Variants in KCNJ3 observed in about 807,000 individuals in gnomAD.
KCNJ3 encodes the protein G protein-activated inward rectifier potassium channel 1.
In KCNJ3, 4 loss-of-function variants were observed where a neutral mutation model predicts 39.2. That is an observed-to-expected ratio of 0.10 (90% CI 0.05 to 0.23). The LOEUF (loss-of-function observed/expected upper bound fraction) is 0.23. Among genes scored for constraint, KCNJ3 ranks in the 10% least tolerant of loss-of-function variants. The probability of loss-of-function intolerance (pLI) is 1.00; values close to 1 mark genes in which losing one functional copy is unlikely to be tolerated. For missense variants in KCNJ3, 276 were observed against 634.9 expected (o/e 0.43, Z 6.08); for synonymous variants, 230 against 237.4 (o/e 0.97, Z 0.29).
At chr2:154,847,093 A>G (rs1326667657) in intron 2 of KCNJ3, among the ~76,000 whole-genome samples, 2 of 152,184 alleles carry the variant, frequency 1.3e-5, no homozygotes, top group Non-Finnish European at 2.9e-5. Context: ...AAGAGATTCC[A>G]TCTTTTTGAA....
At chr2:154,714,742 T>G (rs1315260830) in intron 2 of KCNJ3, among the ~76,000 whole-genome samples, 1 of 152,230 alleles carries the variant, frequency 6.6e-6, no homozygotes, top group Non-Finnish European at 1.5e-5. Context: ...TTTAATTAAT[T>G]TGTTCATCCA....
At chr2:154,715,098 G>T (rs950950416) in intron 2 of KCNJ3, among the ~76,000 whole-genome samples, 1 of 152,126 alleles carries the variant, frequency 6.6e-6, no homozygotes, top group African/African-American at 2.4e-5. Context: ...AAGGGGGCAG[G>T]GTACCTGGCT....
intron 2 of KCNJ3, among the ~76,000 whole-genome samples, chr2:154,752,843 T>C (rs1234119337): frequency 6.6e-6 from 1 of 152,000 alleles, no homozygotes; most frequent in Non-Finnish European, 1.5e-5. Context: ...TGATATGACT[T>C]GATGCAGATT....
intron 2 of KCNJ3, among the ~76,000 whole-genome samples, chr2:154,760,869 T>G (rs998466915): frequency 6.6e-6 from 1 of 150,660 alleles, no homozygotes; most frequent in African/African-American, 2.4e-5. Flanking sequence ...CCCGAGTAGC[T>G]GGGACTACAG....
intron 2 of KCNJ3, among the ~76,000 whole-genome samples, chr2:154,752,195 G>A (rs1401300713): frequency 6.6e-6 from 1 of 151,704 alleles, no homozygotes; most frequent in African/African-American, 2.4e-5. Flanking sequence ...AAACATTTTG[G>A]TGTACTCAAA....
chr2:154,845,768 C>G (rs975220390), intron 2 of KCNJ3, among the ~76,000 whole-genome samples: 4 of 151,866 alleles, frequency 2.6e-5, no homozygotes, highest in African/African-American at 7.3e-5. Context: ...GTCAGGAGTT[C>G]GAGACCAGCC....
chr2:154,734,547 C>T (rs1462613336), intron 2 of KCNJ3, among the ~76,000 whole-genome samples: 4 of 152,120 alleles, frequency 2.6e-5, no homozygotes, highest in Non-Finnish European at 5.9e-5. Context: ...ATAAAGAAAC[C>T]AGCATCTGTT....
chr2:154,760,959 A>G (rs3111005), intron 2 of KCNJ3, among the ~76,000 whole-genome samples: 69,363 of 149,750 alleles, frequency 0.46, 16,069 homozygotes, highest in Non-Finnish European at 0.48. Flanking sequence ...GGATGGTCTC[A>G]ATCTCCTGAC....
chr2:154,850,640 A>G (rs191752142), intron 2 of KCNJ3, among the ~76,000 whole-genome samples: 32 of 152,316 alleles, frequency 2.1e-4, no homozygotes, highest in Admixed American at 1.8e-3. Flanking sequence ...TAAAACTATG[A>G]TTGTGAATTG....
chr2:154,745,447 T>C lies in KCNJ3; in HGVS notation c.919+35628T>C, dbSNP rs1685724769. 3.3e-5 allele frequency among the ~76,000 whole-genome samples: 5 copies of C among 152,186 alleles called. No homozygotes were observed. In the South Asian group the frequency reaches 1.0e-3, roughly 31 times the overall value. ...AGGATTGCTATATCTTCTTGATGGA[T>C]TGACTCTTTCATCATTATTTAATAT... On this transcript the variant is annotated intron_variant, in intron 2 of 2. Transcript: ENST00000295101.
intron 2 of KCNJ3, among the ~76,000 whole-genome samples, chr2:154,783,849 T>C (rs1403745457): frequency 2.0e-5 from 3 of 152,220 alleles, no homozygotes; most frequent in African/African-American, 4.8e-5. Flanking sequence ...TTAAATTCTA[T>C]GTATGCTGCA....
At chr2:154,835,481 A>G (rs1018808326) in intron 2 of KCNJ3, among the ~76,000 whole-genome samples, 2 of 105,558 alleles carry the variant, frequency 1.9e-5, no homozygotes, top group African/African-American at 3.1e-5. Context: ...TGAATATATA[A>G]TATTCATGAA....
chr2:154,731,530 T>C (rs1685448629), intron 2 of KCNJ3, among the ~76,000 whole-genome samples: 2 of 152,072 alleles, frequency 1.3e-5, no homozygotes, highest in Admixed American at 1.3e-4. Context: ...AGTTGAAATG[T>C]ACAAGTTAAG....
intron 2 of KCNJ3, among the ~76,000 whole-genome samples, chr2:154,792,178 C>T (rs1686645645): frequency 6.6e-6 from 1 of 152,006 alleles, no homozygotes; most frequent in Non-Finnish European, 1.5e-5. Flanking sequence ...ATTGTTTATG[C>T]AGCAGCCATT....
chr2:154,833,590 T>A (rs1687399275), intron 2 of KCNJ3, among the ~76,000 whole-genome samples: 1 of 152,206 alleles, frequency 6.6e-6, no homozygotes, highest in South Asian at 2.1e-4. Context: ...ATGCTTTGTG[T>A]TATATATTCT....
intron 2 of KCNJ3, among the ~76,000 whole-genome samples, chr2:154,824,821 A>G (rs1268710059): frequency 6.6e-6 from 1 of 152,170 alleles, no homozygotes; most frequent in Non-Finnish European, 1.5e-5. Flanking sequence ...TGGCTTATAT[A>G]AAAAAACACA....
rs574330254 is a variant in KCNJ3, at chr2:154,741,770, T to A, written c.919+31951T>A. 4.0e-5 allele frequency among the ~76,000 whole-genome samples: 6 copies of A among 151,896 alleles called. No homozygotes were observed. The East Asian group carries it at 1.2e-3, about 29-fold the overall frequency. On this transcript the variant is annotated intron_variant, in intron 2 of 2. Coordinates refer to ENST00000295101, the MANE Select transcript of KCNJ3 (RefSeq NM_002239.4). ...AGAAATATATATGCAAAGAAATGAGTCTATAACAATCCCAGGAAGCAGAAA... is the reference window on the plus strand; with the variant it reads ...AGAAATATATATGCAAAGAAATGAGACTATAACAATCCCAGGAAGCAGAAA...
At chr2:154,703,090 A>G (rs1217935998) in intron 1 of KCNJ3, among the ~76,000 whole-genome samples, 2 of 151,906 alleles carry the variant, frequency 1.3e-5, no homozygotes, top group Non-Finnish European at 2.9e-5. Flanking sequence ...ATAATGGTTG[A>G]TAGACCTAGG....
intron 2 of KCNJ3, among the ~76,000 whole-genome samples, chr2:154,725,426 A>G (rs1685336880): frequency 6.6e-6 from 1 of 151,752 alleles, no homozygotes; most frequent in Admixed American, 6.6e-5. Flanking sequence ...ATTTATCCTG[A>G]GAAACGTTTT....
Sources: allele counts gnomAD v4.1 joint callset (sites outside exome capture counted in the v4.1 genomes callset), GRCh38; gene constraint gnomAD v4.1.1; transcripts MANE v1.5; gene names NCBI Gene and HGNC (gene_info 2026-07-23, HGNC 2026-07-21).